The following PCDHGA10 variants were observed in gnomAD, a reference collection of about 807,000 sequenced individuals.
The protein encoded by PCDHGA10 is protocadherin gamma-A10.
PCDHGA10 carries 42 observed loss-of-function variants against 59.5 expected under a neutral mutation model. That is an observed-to-expected ratio of 0.71 (90% CI 0.55 to 0.91). The LOEUF (loss-of-function observed/expected upper bound fraction) is 0.91, where lower values mean the gene tolerates loss of function less well. Ranked by LOEUF, PCDHGA10 falls within the 40% of genes least tolerant of loss-of-function variation. PCDHGA10 has a pLI of 0.00. For synonymous variants in PCDHGA10, 511 were observed against 517.2 expected (o/e 0.99, Z 0.16); for missense variants, 1,111 against 1,198.2 (o/e 0.93, Z 1.07).
chr5:141,467,781 C>G (rs2099151581), intron 1 of PCDHGA10, among the ~76,000 whole-genome samples: 1 of 152,228 alleles, frequency 6.6e-6, no homozygotes, highest in East Asian at 1.9e-4. Context: ...ACCTCAGCCT[C>G]TCAAGTAGCT....
At chr5:141,483,700 T>C (rs1003495517) in intron 1 of PCDHGA10, among the ~76,000 whole-genome samples, 4 of 152,090 alleles carry the variant, frequency 2.6e-5, no homozygotes, top group Admixed American at 2.6e-4. Context: ...ATTCCTCTTT[T>C]TGACACCAGA....
chr5:141,444,240 C>T (rs1017550385), intron 1 of PCDHGA10, among the ~76,000 whole-genome samples: 4 of 128,690 alleles, frequency 3.1e-5, no homozygotes, highest in African/African-American at 5.9e-5. Context: ...GGCATGCTCT[C>T]GGCTCACTGC....
chr5:141,507,796 G>GGGAA (rs2099863457), intron 3 of PCDHGA10, among the ~76,000 whole-genome samples: 1 of 152,220 alleles, frequency 6.6e-6, no homozygotes, highest in Admixed American at 6.5e-5. Flanking sequence ...GTCTAAGCCT[G>GGGAA]CGCCCTGGGG....
intron 1 of PCDHGA10, chr5:141,416,540 G>T (rs1439132249): frequency 6.6e-6 from 1 of 151,974 alleles, no homozygotes; most frequent in Non-Finnish European, 1.5e-5. Flanking sequence ...GTATAAGGAG[G>T]CAAACACCTG....
At position 141,433,110 on chromosome 5, in the gene PCDHGA10, G is replaced by A. The variant is rs1031253372; in HGVS notation, c.2436+17499G>A. On this transcript the variant is annotated intron_variant, in intron 1 of 3. Coordinates refer to ENST00000398610, the MANE Select transcript of PCDHGA10 (RefSeq NM_018913.3). Reference sequence around the variant, plus strand: ...GCAGACATGCTCGTCAGCCAGGAGAGCTTTGAAAAAAGCGAGCCCCTTTTG... The same window carrying A: ...GCAGACATGCTCGTCAGCCAGGAGAACTTTGAAAAAAGCGAGCCCCTTTTG... 3.1e-6 allele frequency: 5 copies of A among 1,613,982 alleles called. No homozygotes were observed. The African/African-American group carries it at 5.3e-5, about 17-fold the overall frequency.
rs1303712746 is a variant in PCDHGA10 at position 141,512,800 on chromosome 5, C to G, written c.*1627C>G. The G allele has an allele frequency of 1.3e-5, 2 of 152,238 alleles. No homozygotes were observed. Among genetic ancestry groups the G allele is most frequent in the African/African-American group, 4.8e-5 (2 of 41,434 alleles). The allele number at this position is 152,238 out of a possible 1,614,324, so 9.4% of individuals were successfully genotyped here. A position where few individuals can be genotyped will look rare whatever the true frequency, so the allele number is the denominator to read the frequency against. On this transcript the variant is annotated 3_prime_UTR_variant, in exon 4 of 4. Coordinates refer to ENST00000398610, the MANE Select transcript of PCDHGA10 (RefSeq NM_018913.3). Reference sequence around the variant, plus strand: ...GCCCGTGTTGTGTTTTGTGCTGTGTCCACGCGCTAAGGCGACCCCCTCCCC... The same window carrying G: ...GCCCGTGTTGTGTTTTGTGCTGTGTGCACGCGCTAAGGCGACCCCCTCCCC...
intron 2 of PCDHGA10, among the ~76,000 whole-genome samples, chr5:141,497,622 C>G (rs1434147255): frequency 6.6e-6 from 1 of 151,538 alleles, no homozygotes; most frequent in African/African-American, 2.4e-5. Context: ...TCACTGCAAC[C>G]TCTGCCTGCC....
At chr5:141,445,964 T>C (rs1199096510) in intron 1 of PCDHGA10, among the ~76,000 whole-genome samples, 2 of 152,280 alleles carry the variant, frequency 1.3e-5, no homozygotes, top group South Asian at 4.1e-4. Context: ...ATATGGAGAA[T>C]TGATTTATGA....
rs1043628660 is a variant in PCDHGA10, at chr5:141,478,879, G to A, written c.2437-15928G>A. On this transcript the variant is annotated intron_variant, in intron 1 of 3. Coordinates refer to ENST00000398610, the MANE Select transcript of PCDHGA10 (RefSeq NM_018913.3). ...GATCTCAGCGATCAGAGTTTAGCTT[G>A]GTATCATTTACATTAGGAATAAGCT... is the stretch of plus-strand genomic sequence containing the variant. 9 of 1,243,630 alleles carry A rather than the reference G, an allele frequency of 7.2e-6. No homozygotes were observed. The African/African-American group carries it at 1.1e-4, about 15-fold the overall frequency. The allele number at this position is 1,243,630 out of a possible 1,614,324, so 77.0% of individuals were successfully genotyped here.
chr5:141,511,537 A>G lies in PCDHGA10; in HGVS notation c.*364A>G. 2 of 319,256 alleles carry G rather than the reference A, an allele frequency of 6.3e-6. No individual in the cohort carries two copies. Among genetic ancestry groups the G allele is most frequent in the South Asian group, 3.3e-5 (1 of 29,854 alleles). 19.8% of individuals were successfully genotyped at this position (319,256 alleles called of 1,614,324 possible). A position where few individuals can be genotyped will look rare whatever the true frequency, so the allele number is the denominator to read the frequency against. On this transcript the variant is annotated 3_prime_UTR_variant, in exon 4 of 4. Coordinates refer to ENST00000398610, the MANE Select transcript of PCDHGA10 (RefSeq NM_018913.3). ...TCCATCCCATGCCTCCCTCCTCCCC[A>G]CCCCACTCCAACAGTTCCTCTTTCC... is the stretch of plus-strand genomic sequence containing the variant.
In PCDHGA10 at chr5:141,480,546, G is replaced by A. The variant is rs184388425; in HGVS notation, c.2437-14261G>A. Reference sequence around the variant, plus strand: ...GACAAAGTAGAAGCACATATGAAAAGGCTAAGAAAGCATGAAAGCCAGCAA... The same window carrying A: ...GACAAAGTAGAAGCACATATGAAAAAGCTAAGAAAGCATGAAAGCCAGCAA... On this transcript the variant is annotated intron_variant, in intron 1 of 3. Coordinates refer to ENST00000398610, the MANE Select transcript of PCDHGA10 (RefSeq NM_018913.3). 4.9e-4 allele frequency among the ~76,000 whole-genome samples: 63 copies of A among 128,620 alleles called. 1 individual carries two copies. Among genetic ancestry groups the A allele is most frequent in the Middle Eastern group, 4.2e-3 (1 of 236 alleles). The allele number at this position is 128,620 out of a possible 152,430, so 84.4% of individuals were successfully genotyped here. A position where few individuals can be genotyped will look rare whatever the true frequency, so the allele number is the denominator to read the frequency against.
At chr5:141,427,088 T>C in intron 1 of PCDHGA10, 1 of 458,156 alleles carries the variant, frequency 2.2e-6, no homozygotes. Flanking sequence ...CTGACCAGGA[T>C]GAGGGTGTCA....
intron 1 of PCDHGA10, chr5:141,478,902 GCTGCTGGATAC>G: frequency 1.0e-6 from 1 of 978,788 alleles, no homozygotes. Context: ...TTAGGAATAA[GCTGCTGGATAC>G]CTCTAACCAG....
chr5:141,459,302 A>G (rs1401348885), intron 1 of PCDHGA10, among the ~76,000 whole-genome samples: 1 of 152,328 alleles, frequency 6.6e-6, no homozygotes, highest in Admixed American at 6.5e-5. Context: ...CCTATAACAT[A>G]TACTATTTTG....
rs994324285 is a variant in PCDHGA10 at position 141,455,094 on chromosome 5, G to A, written c.2436+39483G>A. Among the ~76,000 whole-genome samples the A allele has an allele frequency of 3.3e-5, 5 of 152,104 alleles. No individual in the cohort carries two copies. In the Middle Eastern group the frequency reaches 0.014, roughly 414 times the overall value. ...CCCAAAGTGCTGGGATTACAGGCTT[G>A]AGCCACTGCGCCCGGTGGGTCTAAT... On this transcript the variant is annotated intron_variant, in intron 1 of 3. Coordinates refer to ENST00000398610, the MANE Select transcript of PCDHGA10 (RefSeq NM_018913.3).
intron 2 of PCDHGA10, among the ~76,000 whole-genome samples, chr5:141,499,192 C>T (rs1048812227): frequency 1.1e-4 from 17 of 152,106 alleles, no homozygotes; most frequent in South Asian, 2.1e-4. Flanking sequence ...CCATTTCCCC[C>T]TTCTTAGGCT....
Position 141,413,170 on chromosome 5 carries a change from A to G in PCDHGA10, c.-6A>G. On this transcript the variant is annotated 5_prime_UTR_variant, in exon 1 of 4. Coordinates refer to ENST00000398610, the MANE Select transcript of PCDHGA10 (RefSeq NM_018913.3). ...GGACTTTGCAGAATTCTGTAACCAG[A>G]CTACAATGGCCGCTCAAAGGAATCG... 1 of 1,595,602 alleles carries G rather than the reference A, an allele frequency of 6.3e-7. No homozygotes were observed. Among genetic ancestry groups the G allele is most frequent in the Non-Finnish European group, 8.5e-7 (1 of 1,170,040 alleles).
chr5:141,423,569 T>A, intron 1 of PCDHGA10: 2 of 1,613,480 alleles, frequency 1.2e-6, no homozygotes, highest in Non-Finnish European at 1.7e-6. Context: ...GACACGCTCA[T>A]CAGCCAGGAG....
rs1408496357 is a variant in PCDHGA10 at position 141,415,401 on chromosome 5, G to A, written c.2226G>A (p.Ser742=). 5.6e-6 allele frequency: 9 copies of A among 1,614,088 alleles called. No individual in the cohort carries two copies. Among genetic ancestry groups the A allele is most frequent in the East Asian group, 2.2e-5 (1 of 44,892 alleles). ...GCGGCTTGACAGGTGTGTCCGGCTCGCACTTTGTGGGCGTGGACGGGGTTC... is the reference window on the plus strand; with the variant it reads ...GCGGCTTGACAGGTGTGTCCGGCTCACACTTTGTGGGCGTGGACGGGGTTC... ...SGGGLTGVSG[S]HFVGVDGVRA... Residue 742 remains serine, a synonymous_variant, in exon 1 of 4, where the codon TCG becomes TCA. Transcript: ENST00000398610.
Sources: allele counts gnomAD v4.1 joint callset (sites outside exome capture counted in the v4.1 genomes callset), GRCh38; gene constraint gnomAD v4.1.1; transcripts MANE v1.5; gene names NCBI Gene and HGNC (gene_info 2026-07-23, HGNC 2026-07-21).